RPN2: variants seen among roughly 807,000 people sequenced by gnomAD.
RPN2 encodes the protein dolichyl-diphosphooligosaccharide--protein glycosyltransferase subunit 2.
In RPN2, 29 loss-of-function variants were observed where a neutral mutation model predicts 71.4. The ratio of observed to expected loss-of-function variants is 0.41; its 90% CI spans 0.30 to 0.55. The LOEUF is 0.55. Ranked by LOEUF, RPN2 falls within the 20% of genes least tolerant of loss-of-function variation. RPN2 has a pLI of 0.35. For missense variants in RPN2, 726 were observed against 774.1 expected (o/e 0.94, Z 0.74); for synonymous variants, 308 against 305.0 (o/e 1.01, Z -0.10).
At chr20:37,214,750 A>T (rs2067765327) in intron 9 of RPN2, among the ~76,000 whole-genome samples, 1 of 152,148 alleles carries the variant, frequency 6.6e-6, no homozygotes, top group Non-Finnish European at 1.5e-5. Context: ...TATGATGTCG[A>T]TATGTCTTAT....
At chr20:37,180,959 G>A (rs1281203612) in intron 1 of RPN2, among the ~76,000 whole-genome samples, 2 of 152,042 alleles carry the variant, frequency 1.3e-5, no homozygotes, top group Non-Finnish European at 2.9e-5. Context: ...AGCCGGGTGC[G>A]GTAGCTCACG....
At chr20:37,209,746 G>A (rs1482871136) in intron 7 of RPN2, among the ~76,000 whole-genome samples, 2 of 151,858 alleles carry the variant, frequency 1.3e-5, no homozygotes, top group African/African-American at 4.8e-5. Flanking sequence ...GCCTCCCAAA[G>A]CACTGCAATT....
At chr20:37,241,270 A>C (rs1569006127) in intron 16 of RPN2, 33 bp from the exon 17 acceptor site, 3 of 1,611,642 alleles carry the variant, frequency 1.9e-6, no homozygotes, top group Non-Finnish European at 1.7e-6. Context: ...TGAAACCTTC[A>C]GTAATTCTGT....
At chr20:37,235,715 A>T (rs2068367893) in intron 15 of RPN2, among the ~76,000 whole-genome samples, 1 of 152,062 alleles carries the variant, frequency 6.6e-6, no homozygotes, top group African/African-American at 2.4e-5. Flanking sequence ...CAACGGTGCG[A>T]TCTTGGCTCA....
intron 2 of RPN2, among the ~76,000 whole-genome samples, chr20:37,189,311 CTGTGTGTGTGTATGTG>C (rs1370357936): frequency 4.3e-4 from 50 of 115,296 alleles, no homozygotes; most frequent in South Asian, 2.1e-3. Context: ...ATGGGCCAAA[CTGTGTGTGTGTATGTG>C]TGTGTGTGTG....
rs13040097 is a variant in RPN2 at position 37,207,343 on chromosome 20, G to A, written c.761G>A (p.Ser254Asn). 1 of 1,614,138 alleles carries A rather than the reference G, an allele frequency of 6.2e-7. No homozygotes were observed. Among genetic ancestry groups the A allele is most frequent in the Non-Finnish European group, 8.5e-7 (1 of 1,179,946 alleles). ...KNFESLSEAFSVASAAAVLSH... is the reference protein window; with the variant it reads ...KNFESLSEAFNVASAAAVLSH... Reference sequence around the variant, plus strand: ...TTTGAGTCCCTCTCCGAAGCCTTCAGCGTGGCCTCTGCAGCTGCTGTGCTC... The same window carrying A: ...TTTGAGTCCCTCTCCGAAGCCTTCAACGTGGCCTCTGCAGCTGCTGTGCTC... The change falls in exon 7 of 17, where the codon AGC becomes AAC. Residue 254 changes from serine (S) to asparagine (N), a missense_variant. Transcript: ENST00000237530.
At chr20:37,208,469 G>T (rs779991773) in intron 7 of RPN2, among the ~76,000 whole-genome samples, 1 of 152,106 alleles carries the variant, frequency 6.6e-6, no homozygotes, top group Non-Finnish European at 1.5e-5. Flanking sequence ...GAGTGCCGTG[G>T]TGCGATCATG....
In RPN2 at chr20:37,207,348, G is replaced by A; in HGVS notation, c.766G>A (p.Ala256Thr). 6.2e-7 allele frequency: 1 copy of A among 1,613,984 alleles called. No homozygotes were observed. Among genetic ancestry groups the A allele is most frequent in the Non-Finnish European group, 8.5e-7 (1 of 1,179,814 alleles). ...FESLSEAFSVASAAAVLSHNR... is the reference protein window; with the variant it reads ...FESLSEAFSVTSAAAVLSHNR... ...GTCCCTCTCCGAAGCCTTCAGCGTGGCCTCTGCAGCTGCTGTGCTCTCGCA... is the reference window on the plus strand; with the variant it reads ...GTCCCTCTCCGAAGCCTTCAGCGTGACCTCTGCAGCTGCTGTGCTCTCGCA... The change falls in exon 7 of 17, where the codon GCC becomes ACC. Residue 256 changes from alanine (A) to threonine (T), a missense_variant. By Grantham distance (58) the Ala-to-Thr change is moderately conservative. Coordinates refer to ENST00000237530, the MANE Select transcript of RPN2 (RefSeq NM_002951.5).
chr20:37,230,018 G>A lies in RPN2; in HGVS notation c.1540G>A (p.Val514Ile), dbSNP rs2068196334. The change falls in exon 13 of 17, where the codon GTC becomes ATC. Residue 514 changes from valine to isoleucine, a missense_variant. Coordinates refer to ENST00000237530, the MANE Select transcript of RPN2 (RefSeq NM_002951.5). Reference sequence around the variant, plus strand: ...CCCTGAGGAAGAAGCTCCCTCGACTGTCTTGTCCCAGAACCTTTTCACTCC... The same window carrying A: ...CCCTGAGGAAGAAGCTCCCTCGACTATCTTGTCCCAGAACCTTTTCACTCC... Reference protein sequence around the residue: ...KFPEEEAPSTVLSQNLFTPKQ... With the variant: ...KFPEEEAPSTILSQNLFTPKQ... The A allele has an allele frequency of 2.5e-6, 4 of 1,614,036 alleles. No individual in the cohort carries two copies. The highest frequency in any genetic ancestry group is 3.4e-6 in the Non-Finnish European group (4 of 1,180,034).
chr20:37,187,660 G>A (rs12329586), intron 2 of RPN2, among the ~76,000 whole-genome samples: 1 of 150,832 alleles, frequency 6.6e-6, no homozygotes, highest in Admixed American at 6.6e-5. Flanking sequence ...ATTTTTTTGA[G>A]ACAGGGTCTC....
At chr20:37,205,209 T>G (rs1196240272) in intron 6 of RPN2, among the ~76,000 whole-genome samples, 2 of 152,000 alleles carry the variant, frequency 1.3e-5, no homozygotes, top group African/African-American at 4.8e-5. Context: ...CCCAGTACCC[T>G]TTTCTGCTTG....
chr20:37,204,057 T>C (rs1465338307), intron 5 of RPN2, 97 bp downstream of exon 5: 1 of 841,438 alleles, frequency 1.2e-6, no homozygotes, highest in Non-Finnish European at 2.0e-6. Flanking sequence ...TACTACAGGT[T>C]ACATTGCTTC....
chr20:37,208,104 T>C (rs2067559919), intron 7 of RPN2, among the ~76,000 whole-genome samples: 1 of 152,004 alleles, frequency 6.6e-6, no homozygotes, highest in Non-Finnish European at 1.5e-5. Context: ...ACCCCATCTC[T>C]ACTAAGAATA....
intron 9 of RPN2, 99 bp downstream of exon 9, chr20:37,213,964 A>G: frequency 1.1e-6 from 1 of 894,390 alleles, no homozygotes; most frequent in East Asian, 2.5e-5. Context: ...ACTTTTCTCT[A>G]CAACCAAGCT....
intron 6 of RPN2, among the ~76,000 whole-genome samples, chr20:37,205,465 G>T (rs904693867): frequency 6.6e-6 from 1 of 152,094 alleles, no homozygotes; most frequent in South Asian, 2.1e-4. Flanking sequence ...GCCTTTTTGA[G>T]TAGGACCGTC....
chr20:37,213,627 G>C (rs577280477), intron 8 of RPN2, 133 bp from the exon 9 acceptor site: 6 of 724,848 alleles, frequency 8.3e-6, no homozygotes, highest in South Asian at 7.6e-5. Flanking sequence ...TTGCCCAAGT[G>C]GGGTGGGAAG....
intron 6 of RPN2, among the ~76,000 whole-genome samples, chr20:37,206,553 A>G (rs1204190020): frequency 6.6e-6 from 1 of 152,170 alleles, no homozygotes; most frequent in East Asian, 1.9e-4. Flanking sequence ...AATCTTTTAT[A>G]GTTTTTGTCA....
chr20:37,211,950 C>T (rs2067682318), intron 8 of RPN2, among the ~76,000 whole-genome samples: 1 of 152,054 alleles, frequency 6.6e-6, no homozygotes, highest in African/African-American at 2.4e-5. Context: ...GTTGGCCAGG[C>T]TGGTCTTGAA....
At chr20:37,203,861 G>C (rs2067450573) in intron 4 of RPN2, 24 bp from the exon 5 acceptor site, 2 of 1,570,568 alleles carry the variant, frequency 1.3e-6, no homozygotes, top group South Asian at 1.1e-5. Context: ...GCCATTCATT[G>C]GGGTTCTACT....
Sources: allele counts gnomAD v4.1 joint callset (sites outside exome capture counted in the v4.1 genomes callset), GRCh38; gene constraint gnomAD v4.1.1; transcripts MANE v1.5; gene names NCBI Gene and HGNC (gene_info 2026-07-23, HGNC 2026-07-21).